HHLA2: variants seen among roughly 807,000 people sequenced by gnomAD.
HHLA2 encodes the protein HERV-H LTR-associating protein 2.
In HHLA2, 48 loss-of-function variants were observed where a neutral mutation model predicts 45.9. The observed-to-expected ratio is 1.05, with a 90% CI of 0.83 to 1.33. HHLA2 has a LOEUF of 1.33. Ranked by LOEUF, HHLA2 falls within the 40% of genes most tolerant of loss-of-function variation. The pLI is 0.00. For missense variants in HHLA2, 462 were observed against 494.3 expected, an observed-to-expected ratio of 0.93 and a Z score of 0.62; for synonymous variants, 161 against 173.9, an observed-to-expected ratio of 0.93 and a Z score of 0.59.
intron 1 of HHLA2, among the ~76,000 whole-genome samples, chr3:108,307,340 T>C (rs568974483): frequency 6.5e-4 from 99 of 152,244 alleles, no homozygotes; most frequent in African/African-American, 2.2e-3. Context: ...GAAGATATTA[T>C]AAGAGTTCTT....
chr3:108,305,820 T>C (rs1263750823), intron 1 of HHLA2, among the ~76,000 whole-genome samples: 4 of 152,184 alleles, frequency 2.6e-5, no homozygotes, highest in African/African-American at 4.8e-5. Flanking sequence ...CATTTATAAA[T>C]CTTCTAATGG....
At chr3:108,369,657 G>C (rs1472531724) in intron 8 of HHLA2, among the ~76,000 whole-genome samples, 1 of 152,222 alleles carries the variant, frequency 6.6e-6, no homozygotes, top group African/African-American at 2.4e-5. Context: ...GGCACACCAG[G>C]AGATTATATC....
At chr3:108,341,205 G>A (rs912220820) in intron 3 of HHLA2, among the ~76,000 whole-genome samples, 9 of 151,832 alleles carry the variant, frequency 5.9e-5, no homozygotes, top group African/African-American at 9.7e-5. Flanking sequence ...CGCCCGCCTC[G>A]GCCTCCCAAA....
intron 4 of HHLA2, among the ~76,000 whole-genome samples, chr3:108,353,136 G>A (rs6766228): frequency 0.016 from 2,474 of 152,290 alleles, 55 homozygotes; most frequent in African/African-American, 0.054. Context: ...GCCAGGATTG[G>A]AAGAGAGATA....
At position 108,300,714 on chromosome 3, in the gene HHLA2, T is replaced by TC. The variant is rs143894959; in HGVS notation, c.-192+4117dup. 9.2e-3 allele frequency among the ~76,000 whole-genome samples: 1,400 copies of TC among 152,228 alleles called. 19 individuals carry two copies. The highest frequency in any genetic ancestry group is 0.032 in the African/African-American group (1,340 of 41,534). On this transcript the variant is annotated intron_variant, in intron 1 of 10. Transcript: ENST00000619531. The stretch of plus-strand genomic sequence containing the variant: ...GAGACGTGAAACCTAGTGACATACG[T>TC]CCTGGGTAGAGCTGGCCAGAGGCTC...
At chr3:108,330,286 T>A (rs2081360879) in intron 3 of HHLA2, among the ~76,000 whole-genome samples, 1 of 152,168 alleles carries the variant, frequency 6.6e-6, no homozygotes, top group Admixed American at 6.5e-5. Flanking sequence ...CAGGAAGTGA[T>A]AATCAGAGGC....
chr3:108,351,169 C>T (rs1164178714), intron 3 of HHLA2, among the ~76,000 whole-genome samples: 1 of 152,146 alleles, frequency 6.6e-6, no homozygotes, highest in East Asian at 1.9e-4. Context: ...TATATTTTCT[C>T]ACTTTTTTGA....
chr3:108,365,093 T>C (rs563021919), intron 8 of HHLA2, among the ~76,000 whole-genome samples: 9 of 152,192 alleles, frequency 5.9e-5, no homozygotes, highest in Non-Finnish European at 1.3e-4. Flanking sequence ...CTGAATGATA[T>C]TGCCTAGGTT....
At chr3:108,375,825 G>A in intron 9 of HHLA2, 25 bp downstream of exon 8, 1 of 1,607,434 alleles carries the variant, frequency 6.2e-7, no homozygotes, top group Non-Finnish European at 8.5e-7. Context: ...TCTGAGAGAA[G>A]AATGGATTCT....
chr3:108,362,277 A>T lies in HHLA2; in HGVS notation c.1004-65A>T, dbSNP rs577406526. On this transcript the variant is annotated intron_variant, in intron 7 of 10. Coordinates refer to ENST00000619531, the Ensembl canonical transcript of HHLA2. ...AAACATACTCCACCCTTACCCACCC[A>T]CACATTTCTTATCTGGTAATTTTTC... 4.8e-5 allele frequency: 56 copies of T among 1,176,166 alleles called. No homozygotes were observed. The African/African-American group carries it at 7.7e-4, about 16-fold the overall frequency. The allele number at this position is 1,176,166 out of a possible 1,614,324, so 72.9% of individuals were successfully genotyped here.
intron 8 of HHLA2, among the ~76,000 whole-genome samples, chr3:108,372,334 G>A (rs1301302858): frequency 6.6e-6 from 1 of 151,074 alleles, no homozygotes; most frequent in African/African-American, 2.4e-5. Context: ...GCAGTGTGTA[G>A]AGGGAAATTT....
intron 3 of HHLA2, among the ~76,000 whole-genome samples, chr3:108,342,074 G>T (rs2081581016): frequency 6.6e-6 from 1 of 152,110 alleles, no homozygotes; most frequent in Non-Finnish European, 1.5e-5. Context: ...TTCAATAGAG[G>T]CAGTCGCGTC....
rs186463891 is a variant in HHLA2 at position 108,321,840 on chromosome 3, A to T, written c.-104-6430A>T. Among the ~76,000 whole-genome samples the T allele has an allele frequency of 3.1e-4, 47 of 152,066 alleles. No homozygotes were observed. In the East Asian group the frequency reaches 6.9e-3, roughly 22 times the overall value. ...CCTCTGTGTCTATTTACTGTCTAGG[A>T]GACAGTCTCTACTTTATTTTCTAAC... On this transcript the variant is annotated intron_variant, in intron 2 of 10. Coordinates refer to ENST00000619531, the Ensembl canonical transcript of HHLA2.
chr3:108,362,232 TA>T, intron 7 of HHLA2, 109 bp from the exon 7 acceptor site: 1 of 735,676 alleles, frequency 1.4e-6, no homozygotes. Context: ...AATGCAGAAA[TA>T]ACTAGTTTTT....
intron 8 of HHLA2, among the ~76,000 whole-genome samples, chr3:108,367,447 C>T (rs948185317): frequency 5.9e-5 from 9 of 151,910 alleles, no homozygotes; most frequent in Middle Eastern, 3.2e-3. Context: ...TGTAAGGAAG[C>T]TAAGAACCTT....
intron 7 of HHLA2, among the ~76,000 whole-genome samples, chr3:108,360,650 G>A (rs1037684127): frequency 5.3e-5 from 8 of 152,192 alleles, no homozygotes; most frequent in South Asian, 2.1e-4. Context: ...GACAAAGGGC[G>A]CAGTCACGTC....
At chr3:108,378,216 C>T (rs566991802) in exon 11 of HHLA2, 3 of 152,230 alleles carry the variant, frequency 2.0e-5, no homozygotes, top group South Asian at 4.1e-4. Context: ...CATCACCCTT[C>T]GCTGACTCTC....
chr3:108,357,346 C>T (rs149159024), intron 6 of HHLA2, among the ~76,000 whole-genome samples: 3 of 152,194 alleles, frequency 2.0e-5, no homozygotes, highest in African/African-American at 7.2e-5. Flanking sequence ...GTGGGGGTTG[C>T]CTGCACACAG....
intron 1 of HHLA2, among the ~76,000 whole-genome samples, chr3:108,304,929 G>C (rs2080905754): frequency 6.6e-6 from 1 of 152,106 alleles, no homozygotes; most frequent in Admixed American, 6.5e-5. Context: ...TGCCTGAGTA[G>C]GATTACTGGT....
Sources: gnomAD v4.1 joint callset for allele counts (sites outside exome capture counted in the v4.1 genomes callset) on GRCh38, gnomAD v4.1.1 for gene constraint, MANE v1.5 for transcripts, NCBI Gene and HGNC (gene_info 2026-07-23, HGNC 2026-07-21) for gene names.